The following METTL15 variants were observed in gnomAD, a reference collection of about 807,000 sequenced individuals.
The protein encoded by METTL15 is 12S rRNA N(4)-cytidine methyltransferase METTL15.
A neutral mutation model predicts 38.3 loss-of-function variants in METTL15; 34 were observed. The observed-to-expected ratio is 0.89, with a 90% CI of 0.68 to 1.18. The LOEUF is 1.18. METTL15 is among the 50% of genes most tolerant of loss of function. The pLI is 0.00. For synonymous variants in METTL15, 162 were observed against 170.9 expected, an observed-to-expected ratio of 0.95 and a Z score of 0.41; for missense variants, 438 against 498.4, an observed-to-expected ratio of 0.88 and a Z score of 1.15.
At chr11:28,284,816 G>A (rs918011438) in intron 4 of METTL15, among the ~76,000 whole-genome samples, 1 of 152,176 alleles carries the variant, frequency 6.6e-6, no homozygotes. Flanking sequence ...TTAGAAAAGA[G>A]CAGCCAGCAT....
chr11:28,166,904 G>A (rs988081392), intron 3 of METTL15, among the ~76,000 whole-genome samples: 3 of 152,156 alleles, frequency 2.0e-5, no homozygotes, highest in Non-Finnish European at 4.4e-5. Context: ...AGTCAAGATC[G>A]TGCCAGTGCA....
intron 5 of METTL15, among the ~76,000 whole-genome samples, chr11:28,374,065 G>A (rs1850277490): frequency 2.0e-5 from 3 of 152,124 alleles, no homozygotes; most frequent in Admixed American, 6.6e-5. Flanking sequence ...TTTGGTTACT[G>A]TAGCCTTGTA....
chr11:28,220,197 A>T (rs1337531359), intron 4 of METTL15, among the ~76,000 whole-genome samples: 1 of 152,090 alleles, frequency 6.6e-6, no homozygotes, highest in Non-Finnish European at 1.5e-5. Context: ...TGGGAATCGA[A>T]GTCTCTTTGT....
At chr11:28,388,995 T>C (rs538261986) in intron 5 of METTL15, among the ~76,000 whole-genome samples, 146 of 152,210 alleles carry the variant, frequency 9.6e-4, no homozygotes, top group Non-Finnish European at 1.5e-3. Flanking sequence ...TCCATGTCCC[T>C]ACAAAGGACA....
chr11:28,287,156 A>ATGTGTGTGTGTG lies in METTL15; in HGVS notation c.408-3020_408-3009dup, dbSNP rs150235421. On this transcript the variant is annotated intron_variant, in intron 4 of 6. Transcript: ENST00000407364. ...GTATATATATAGAGAGAGAGAGACA[A>ATGTGTGTGTGTG]TGTGTGTGTGTGTGTGTGTGTGTGT... is the stretch of plus-strand genomic sequence containing the variant. 3.0e-4 allele frequency: 42 copies of ATGTGTGTGTGTG among 140,634 alleles called. No homozygotes were observed. In the South Asian group the frequency reaches 4.5e-3, roughly 15 times the overall value. The allele number at this position is 140,634 out of a possible 1,614,324, so 8.7% of individuals were successfully genotyped here.
intron 3 of METTL15, among the ~76,000 whole-genome samples, chr11:28,148,974 G>A (rs1849983904): frequency 6.6e-6 from 1 of 151,924 alleles, no homozygotes; most frequent in Admixed American, 6.6e-5. Flanking sequence ...TTAAAAGGAT[G>A]GGAAATGAGA....
intron 4 of METTL15, among the ~76,000 whole-genome samples, chr11:28,236,125 A>G (rs1291115317): frequency 1.3e-5 from 2 of 152,064 alleles, no homozygotes; most frequent in African/African-American, 4.8e-5. Context: ...ATTTGCGTAT[A>G]TTGAACCAGC....
At chr11:28,225,497 T>G (rs1243088973) in intron 4 of METTL15, among the ~76,000 whole-genome samples, 1 of 151,816 alleles carries the variant, frequency 6.6e-6, no homozygotes, top group African/African-American at 2.4e-5. Flanking sequence ...TATCACTCAT[T>G]TTCTTCTGGT....
At chr11:28,280,929 A>G (rs758479804) in intron 4 of METTL15, among the ~76,000 whole-genome samples, 3 of 151,118 alleles carry the variant, frequency 2.0e-5, no homozygotes, top group Non-Finnish European at 4.4e-5. Context: ...TCTTGAGTAT[A>G]TTAACCAGTT....
intron 3 of METTL15, among the ~76,000 whole-genome samples, chr11:28,149,957 A>T (rs1471297334): frequency 6.6e-6 from 1 of 151,988 alleles, no homozygotes; most frequent in Admixed American, 6.6e-5. Context: ...AAATAAATTG[A>T]ATAATATTTG....
chr11:28,219,063 G>T (rs919864297), intron 4 of METTL15, among the ~76,000 whole-genome samples: 4 of 152,144 alleles, frequency 2.6e-5, no homozygotes, highest in Admixed American at 2.0e-4. Flanking sequence ...TCAGGATGAT[G>T]CTGGCCTCAT....
At chr11:28,514,563 AC>A (rs1851703547) in intron 6 of METTL15, among the ~76,000 whole-genome samples, 2 of 152,202 alleles carry the variant, frequency 1.3e-5, no homozygotes, top group Non-Finnish European at 2.9e-5. Context: ...ATTACTTGCA[AC>A]TAAAAGCATG....
chr11:28,423,309 A>C (rs1850837104), intron 5 of METTL15, among the ~76,000 whole-genome samples: 1 of 152,102 alleles, frequency 6.6e-6, no homozygotes, highest in African/African-American at 2.4e-5. Flanking sequence ...AACTAAAAAC[A>C]GAGCTATCAT....
intron 4 of METTL15, among the ~76,000 whole-genome samples, chr11:28,276,742 T>C (rs1363760129): frequency 6.6e-6 from 1 of 152,128 alleles, no homozygotes; most frequent in African/African-American, 2.4e-5. Flanking sequence ...CATAGATCAA[T>C]GGAACAGAAT....
intron 4 of METTL15, among the ~76,000 whole-genome samples, chr11:28,223,379 G>A (rs1174103235): frequency 6.6e-6 from 1 of 152,004 alleles, no homozygotes; most frequent in East Asian, 1.9e-4. Context: ...GCATGAGAAA[G>A]AAAAACACAA....
rs193300016 is a variant in METTL15 at position 28,522,229 on chromosome 11, G to A, written c.*425-4249G>A. On this transcript the variant is annotated intron_variant and NMD_transcript_variant, in intron 6 of 7. Coordinates refer to the METTL15 transcript ENST00000532947. Reference sequence around the variant, plus strand: ...AAATTGATATGTGTATATGAGCAGTGTATTAGTCAGGATAATCCAGAAAAA... The same window carrying A: ...AAATTGATATGTGTATATGAGCAGTATATTAGTCAGGATAATCCAGAAAAA... Among the ~76,000 whole-genome samples, 268 of 152,324 alleles carry A rather than the reference G, an allele frequency of 1.8e-3. 4 individuals are homozygous for A. The South Asian group carries it at 0.019, about 11-fold the overall frequency.
At chr11:28,191,140 T>G (rs890043066) in intron 3 of METTL15, among the ~76,000 whole-genome samples, 10 of 151,570 alleles carry the variant, frequency 6.6e-5, no homozygotes, top group South Asian at 4.1e-4. Context: ...ATGAATGATT[T>G]TGCAATTTCC....
rs530610789 is a variant in METTL15 at position 28,296,805 on chromosome 11, G to A, written c.652G>A (p.Ala218Thr). The A allele has an allele frequency of 1.2e-6, 2 of 1,613,460 alleles. No individual in the cohort carries two copies. Among genetic ancestry groups the A allele is most frequent in the East Asian group, 2.2e-5 (1 of 44,862 alleles). ...TGTTGTGAATGCTTTAGATCAACAG[G>A]CACTTGCATCTATCCTAAGAACATA... ...ADVVNALDQQ[A>T]LASILRTYGE... is the part of the protein sequence containing the mutation. Residue 218 changes from alanine (A) to threonine (T), a missense_variant, in exon 6 of 7, where the codon GCA becomes ACA. Ala to Thr is a moderately conservative substitution (Grantham distance 58). Transcript: ENST00000407364.
intron 6 of METTL15, among the ~76,000 whole-genome samples, chr11:28,301,084 C>G (rs1044605182): frequency 6.6e-6 from 1 of 152,132 alleles, no homozygotes; most frequent in Non-Finnish European, 1.5e-5. Flanking sequence ...AAGCAAAACT[C>G]CTTTACATGG....
Sources: allele counts gnomAD v4.1 joint callset (sites outside exome capture counted in the v4.1 genomes callset), GRCh38; gene constraint gnomAD v4.1.1; transcripts MANE v1.5; gene names NCBI Gene and HGNC (gene_info 2026-07-23, HGNC 2026-07-21).